Variants in PPP2R3A observed in about 807,000 individuals in gnomAD.
PPP2R3A encodes protein phosphatase 2 regulatory subunit B''alpha, also known as serine/threonine-protein phosphatase 2A regulatory subunit B'' subunit alpha.
A neutral mutation model predicts 106.9 loss-of-function variants in PPP2R3A; 80 were observed. That is an observed-to-expected ratio of 0.75 (90% CI 0.62 to 0.90). PPP2R3A has a LOEUF of 0.90. PPP2R3A is among the 40% of genes least tolerant of loss of function. The pLI, the probability that PPP2R3A is intolerant of heterozygous loss-of-function variation, is 0.00. For missense variants in PPP2R3A, 1,386 were observed against 1,350.4 expected, an observed-to-expected ratio of 1.03 and a Z score of -0.41; for synonymous variants, 483 against 468.3, an observed-to-expected ratio of 1.03 and a Z score of -0.41.
chr3:136,106,546 C>A (rs1937520447), intron 13 of PPP2R3A: 2 of 531,096 alleles, frequency 3.8e-6, no homozygotes, highest in Non-Finnish European at 6.7e-6. Context: ...TCATCTTTCA[C>A]TGGAAACCGA....
intron 4 of PPP2R3A, among the ~76,000 whole-genome samples, chr3:136,046,236 G>A (rs1692408487): frequency 6.6e-6 from 1 of 152,156 alleles, no homozygotes; most frequent in South Asian, 2.1e-4. Flanking sequence ...TGGATCACCT[G>A]AGGGTCAGGA....
At chr3:136,058,471 T>G (rs1452002472) in intron 5 of PPP2R3A, among the ~76,000 whole-genome samples, 1 of 152,106 alleles carries the variant, frequency 6.6e-6, no homozygotes, top group Non-Finnish European at 1.5e-5. Flanking sequence ...GTGAAAGATC[T>G]CTACAAGGAG....
Position 136,001,979 on chromosome 3 carries a change from C to T in PPP2R3A, c.481C>T (p.Leu161Phe), listed in dbSNP as rs1933640594. ...FNRRSVDLDL[L>F]CGHYNNDGNA... ...TAGGAGGTCAGTTGATTTGGACTTG[C>T]TTTGTGGCCATTATAACAACGATGG... is the stretch of plus-strand genomic sequence containing the variant. Residue 161 changes from leucine to phenylalanine, a missense_variant, in exon 2 of 14, where the codon CTT (leucine) becomes TTT (phenylalanine). Leu to Phe is a conservative substitution (Grantham distance 22). Transcript: ENST00000264977. 1.2e-6 allele frequency: 2 copies of T among 1,614,002 alleles called. No homozygotes were observed. The highest frequency in any genetic ancestry group is 2.2e-5 in the South Asian group (2 of 91,074).
At chr3:136,074,864 GA>G (rs952724306) in intron 6 of PPP2R3A, among the ~76,000 whole-genome samples, 2 of 151,612 alleles carry the variant, frequency 1.3e-5, no homozygotes, top group Admixed American at 6.6e-5. Flanking sequence ...TCTTAAGAGA[GA>G]AAAAAAAATT....
At position 136,002,290 on chromosome 3, in the gene PPP2R3A, A is replaced by G; in HGVS notation, c.792A>G (p.Glu264=). Residue 264 remains glutamate (E), a synonymous_variant, in exon 2 of 14, where the codon GAA becomes GAG. Coordinates refer to ENST00000264977, the MANE Select transcript of PPP2R3A (RefSeq NM_002718.5). ...AAAAATCAGGGAGTAGCATCAGTGAAGGAAGTGGTAATGATACAATTTCTA... is the reference window on the plus strand; with the variant it reads ...AAAAATCAGGGAGTAGCATCAGTGAGGGAAGTGGTAATGATACAATTTCTA... ...IKKKSGSSIS[E]GSGNDTISSS... 1.9e-6 allele frequency: 3 copies of G among 1,613,832 alleles called. No homozygotes were observed. The highest frequency in any genetic ancestry group is 2.5e-6 in the Non-Finnish European group (3 of 1,179,798).
chr3:135,974,132 T>G (rs1490442792), intron 1 of PPP2R3A, among the ~76,000 whole-genome samples: 1 of 152,244 alleles, frequency 6.6e-6, no homozygotes, highest in Non-Finnish European at 1.5e-5. Context: ...TGCTGCATTC[T>G]CTGCATTTCC....
Position 136,145,036 on chromosome 3 carries a change from AT to A in PPP2R3A, c.3330-4del. The A allele has an allele frequency of 6.2e-7, 1 of 1,604,446 alleles. No individual in the cohort carries two copies. Among genetic ancestry groups the A allele is most frequent in the Non-Finnish European group, 8.5e-7 (1 of 1,176,840 alleles). Reference sequence around the variant, plus strand: ...TCAGTTAATTCACTTTTGCTTTGTTATTTCAGCTTTGAAGATTATGAAACAG... The same window carrying A: ...TCAGTTAATTCACTTTTGCTTTGTTATTCAGCTTTGAAGATTATGAAACAG... On this transcript the variant is annotated splice_region_variant and splice_polypyrimidine_tract_variant and intron_variant, in intron 13 of 13. Transcript: ENST00000264977.
At chr3:136,057,279 T>C (rs926224320) in intron 5 of PPP2R3A, among the ~76,000 whole-genome samples, 2 of 152,074 alleles carry the variant, frequency 1.3e-5, no homozygotes, top group Non-Finnish European at 2.9e-5. Flanking sequence ...CAAGTGCCAA[T>C]CAATGGATGA....
At chr3:136,054,209 A>T (rs1433021897) in intron 5 of PPP2R3A, among the ~76,000 whole-genome samples, 1 of 150,914 alleles carries the variant, frequency 6.6e-6, no homozygotes, top group Non-Finnish European at 1.5e-5. Flanking sequence ...CTATAAGCAC[A>T]TTAAATACTA....
intron 1 of PPP2R3A, among the ~76,000 whole-genome samples, chr3:135,966,335 C>T (rs1390675524): frequency 3.3e-5 from 5 of 152,182 alleles, no homozygotes; most frequent in Non-Finnish European, 5.9e-5. Flanking sequence ...AACCTCGGCC[C>T]GACTTGGCCA....
At chr3:136,114,985 G>A (rs1937688650) in intron 13 of PPP2R3A, among the ~76,000 whole-genome samples, 1 of 152,214 alleles carries the variant, frequency 6.6e-6, no homozygotes, top group African/African-American at 2.4e-5. Context: ...ACACCTCCCA[G>A]TAGGGGCCAA....
chr3:136,090,486 AC>A, intron 9 of PPP2R3A, 91 bp from the exon 10 acceptor site: 3 of 1,018,064 alleles, frequency 2.9e-6, no homozygotes, highest in Non-Finnish European at 4.4e-6. Flanking sequence ...AAAAATTTTA[AC>A]TGACATACTA....
Position 136,002,745 on chromosome 3 carries a change from A to G in PPP2R3A, c.1247A>G (p.Tyr416Cys). The change falls in exon 2 of 14, where the codon TAT becomes TGT. Residue 416 changes from tyrosine (Y) to cysteine (C), a missense_variant. Coordinates refer to ENST00000264977, the MANE Select transcript of PPP2R3A (RefSeq NM_002718.5). ...TCTGACGACTTAATGGAAACTCTTTATATTGAAGAAGAGTCAGATGGAAAG... is the reference window on the plus strand; with the variant it reads ...TCTGACGACTTAATGGAAACTCTTTGTATTGAAGAAGAGTCAGATGGAAAG... ...VSSDDLMETL[Y>C]IEEESDGKKA... 2 of 1,612,798 alleles carry G rather than the reference A, an allele frequency of 1.2e-6. No individual in the cohort carries two copies. Among genetic ancestry groups the G allele is most frequent in the Non-Finnish European group, 8.5e-7 (1 of 1,179,414 alleles).
chr3:136,069,753 T>C (rs1936369521), intron 5 of PPP2R3A, among the ~76,000 whole-genome samples: 1 of 152,208 alleles, frequency 6.6e-6, no homozygotes, highest in Admixed American at 6.5e-5. Context: ...ATATCTGTAA[T>C]GGCATAGCTA....
At chr3:136,124,925 T>C (rs1050360999) in intron 13 of PPP2R3A, among the ~76,000 whole-genome samples, 2 of 152,088 alleles carry the variant, frequency 1.3e-5, no homozygotes, top group Non-Finnish European at 2.9e-5. Context: ...CTAGAAAAAC[T>C]CAAATTACAA....
chr3:136,026,835 C>T lies in PPP2R3A; in HGVS notation c.1999C>T (p.Gln667Ter). The change falls in exon 3 of 14, where the codon CAA becomes TAA. Residue 667 changes from glutamine to a stop codon, truncating the protein, a stop_gained. Transcript: ENST00000264977. LOFTEE classifies it high-confidence loss of function. ...IQQTPEVIKIQNKPEKKPGTP... is the reference protein window; with the variant it reads ...IQQTPEVIKI Reference sequence around the variant, plus strand: ...CATAATCTTATTTTTCTTTTAGATTCAAAATAAACCAGAAAAGAAACCTGG... The same window carrying T: ...CATAATCTTATTTTTCTTTTAGATTTAAAATAAACCAGAAAAGAAACCTGG... 1 of 1,593,342 alleles carries T rather than the reference C, an allele frequency of 6.3e-7. No homozygotes were observed. The highest frequency in any genetic ancestry group is 1.1e-5 in the South Asian group (1 of 87,110).
intron 1 of PPP2R3A, among the ~76,000 whole-genome samples, chr3:135,971,505 T>G (rs1342412782): frequency 6.6e-6 from 1 of 152,190 alleles, no homozygotes; most frequent in African/African-American, 2.4e-5. Context: ...ACAGAAAATA[T>G]AAGGGGTGGA....
At position 136,104,810 on chromosome 3, in the gene PPP2R3A, A is replaced by G. The variant is rs991543473; in HGVS notation, c.3223-1406A>G. Among the ~76,000 whole-genome samples, 4 of 152,330 alleles carry G rather than the reference A, an allele frequency of 2.6e-5. No homozygotes were observed. In the South Asian group the frequency reaches 6.2e-4, roughly 24 times the overall value. Reference sequence around the variant, plus strand: ...CTAGACCCTAGGGCAATACTAACTCATGTTCGGCTTGGAAAGACATTTTAT... The same window carrying G: ...CTAGACCCTAGGGCAATACTAACTCGTGTTCGGCTTGGAAAGACATTTTAT... On this transcript the variant is annotated intron_variant, in intron 12 of 13. Transcript: ENST00000264977.
chr3:136,046,892 A>T (rs909485157), intron 4 of PPP2R3A, among the ~76,000 whole-genome samples: 15 of 152,246 alleles, frequency 9.9e-5, no homozygotes, highest in African/African-American at 3.6e-4. Context: ...AGCCATTTTA[A>T]GAAAGAACCA....
Sources: gnomAD v4.1 joint callset for allele counts (sites outside exome capture counted in the v4.1 genomes callset) on GRCh38, gnomAD v4.1.1 for gene constraint, MANE v1.5 for transcripts, NCBI Gene and HGNC (gene_info 2026-07-23, HGNC 2026-07-21) for gene names.